SOCS4: variants seen among roughly 807,000 people sequenced by gnomAD.
The protein encoded by SOCS4 is suppressor of cytokine signaling 4.
Under a neutral mutation model 34.1 loss-of-function variants are expected in SOCS4, and 20 were observed. The ratio of observed to expected loss-of-function variants is 0.59; its 90% CI spans 0.41 to 0.85. The LOEUF is 0.85. Among genes scored for constraint, SOCS4 ranks in the 40% least tolerant of loss-of-function variants. The pLI is 0.00. For missense variants in SOCS4, 479 were observed against 532.4 expected (o/e 0.90, Z 0.99); for synonymous variants, 180 against 186.4 (o/e 0.97, Z 0.28).
rs1232201295 is a variant in SOCS4, at chr14:55,047,773, T to C, written c.*3409T>C. 1 of 167,102 alleles carries C rather than the reference T, an allele frequency of 6.0e-6. No individual in the cohort carries two copies. The highest frequency in any genetic ancestry group is 2.1e-4 in the South Asian group (1 of 4,836). The allele number at this position is 167,102 out of a possible 1,614,324, so 10.4% of individuals were successfully genotyped here. On this transcript the variant is annotated 3_prime_UTR_variant, in exon 3 of 3. Coordinates refer to ENST00000555846, the MANE Select transcript of SOCS4 (RefSeq NM_199421.2). Reference sequence around the variant, plus strand: ...GGTATACAAATTCCATTTCTTTTTATAAGAAAAACACATAAACCATTATCA... The same window carrying C: ...GGTATACAAATTCCATTTCTTTTTACAAGAAAAACACATAAACCATTATCA...
chr14:55,041,045 C>T (rs2042614105), intron 2 of SOCS4, among the ~76,000 whole-genome samples: 1 of 151,980 alleles, frequency 6.6e-6, no homozygotes, highest in Non-Finnish European at 1.5e-5. Context: ...CGCCACCACA[C>T]CCAGCTAATT....
chr14:55,031,182 T>G (rs2140241986), intron 1 of SOCS4, among the ~76,000 whole-genome samples: 2 of 152,306 alleles, frequency 1.3e-5, no homozygotes, highest in South Asian at 4.1e-4. Context: ...GTTTCTTAAA[T>G]TCTGTTAATC....
chr14:55,032,892 C>T lies in SOCS4; in HGVS notation c.-91+901C>T, dbSNP rs1453091733. Among the ~76,000 whole-genome samples, 11 of 152,232 alleles carry T rather than the reference C, an allele frequency of 7.2e-5. No individual in the cohort carries two copies. In the East Asian group the frequency reaches 1.7e-3, roughly 24 times the overall value. ...CCGCCTCCTGGGTTCATGCCATTCTCCTGCCTCAGCCTCCCGAGTAGCTGG... is the reference window on the plus strand; with the variant it reads ...CCGCCTCCTGGGTTCATGCCATTCTTCTGCCTCAGCCTCCCGAGTAGCTGG... On this transcript the variant is annotated intron_variant, in intron 2 of 2. Coordinates refer to ENST00000555846, the MANE Select transcript of SOCS4 (RefSeq NM_199421.2).
chr14:55,028,843 T>A (rs2042499363), intron 1 of SOCS4, among the ~76,000 whole-genome samples: 1 of 152,218 alleles, frequency 6.6e-6, no homozygotes, highest in Non-Finnish European at 1.5e-5. Flanking sequence ...TTGAATATGT[T>A]CCTTTACTGA....
chr14:55,043,028 G>T lies in SOCS4; in HGVS notation c.-14G>T, dbSNP rs1177275639. The T allele has an allele frequency of 1.3e-5, 21 of 1,590,286 alleles. No homozygotes were observed. The highest frequency in any genetic ancestry group is 1.5e-5 in the Non-Finnish European group (18 of 1,167,890). The stretch of plus-strand genomic sequence containing the variant: ...GCAGTATTTATAACATTAGAATCTG[G>T]ATAATTTGTTAACATGGCAGAAAAT... On this transcript the variant is annotated 5_prime_UTR_variant, in exon 3 of 3. Transcript: ENST00000555846.
intron 2 of SOCS4, among the ~76,000 whole-genome samples, chr14:55,041,676 T>C (rs1371701735): frequency 6.6e-6 from 1 of 151,550 alleles, no homozygotes; most frequent in African/African-American, 2.4e-5. Flanking sequence ...GGTGTCACCA[T>C]GTTGGCCAGG....
In SOCS4 at chr14:55,047,125, TGA is replaced by T. The variant is rs1421823895; in HGVS notation, c.*2767_*2768del. On this transcript the variant is annotated 3_prime_UTR_variant, in exon 3 of 3. Transcript: ENST00000555846. Reference sequence around the variant, plus strand: ...GGTGGAAATGTGGAGAGCTTATTGGTGAGAGAGGATGGAGCTAAGAGAAATAA... The same window carrying T: ...GGTGGAAATGTGGAGAGCTTATTGGTGAGAGGATGGAGCTAAGAGAAATAA... The T allele has an allele frequency of 6.0e-6, 1 of 166,990 alleles. No individual in the cohort carries two copies. The highest frequency in any genetic ancestry group is 6.5e-5 in the Admixed American group (1 of 15,274). The allele number at this position is 166,990 out of a possible 1,614,324, so 10.3% of individuals were successfully genotyped here.
Position 55,044,405 on chromosome 14 carries a change from C to G in SOCS4, c.*41C>G. 1 of 1,296,450 alleles carries G rather than the reference C, an allele frequency of 7.7e-7. No homozygotes were observed. The highest frequency in any genetic ancestry group is 9.9e-7 in the Non-Finnish European group (1 of 1,009,248). The allele number at this position is 1,296,450 out of a possible 1,614,324, so 80.3% of individuals were successfully genotyped here. On this transcript the variant is annotated 3_prime_UTR_variant, in exon 3 of 3. Coordinates refer to ENST00000555846, the MANE Select transcript of SOCS4 (RefSeq NM_199421.2). The stretch of plus-strand genomic sequence containing the variant: ...ATGGGAATGATAATATATATTTTTT[C>G]TTTTAATATTTTATTTTTCTTTTTA...
chr14:55,030,205 C>A (rs764356172), intron 1 of SOCS4, among the ~76,000 whole-genome samples: 1 of 151,994 alleles, frequency 6.6e-6, no homozygotes, highest in South Asian at 2.1e-4. Context: ...CTAATTTGTA[C>A]GTAAAACTTG....
Position 55,043,555 on chromosome 14 carries a change from A to C in SOCS4, c.514A>C (p.Arg172=). The C allele has an allele frequency of 1.2e-6, 2 of 1,614,206 alleles. No individual in the cohort carries two copies. Among genetic ancestry groups the C allele is most frequent in the Non-Finnish European group, 1.7e-6 (2 of 1,180,032 alleles). Residue 172 remains arginine (R), a synonymous_variant, in exon 3 of 3, where the codon AGG becomes CGG. Transcript: ENST00000555846. ...VSTDLSQTEL[R]DGQLKRRNME... is the part of the protein sequence containing the mutation. ...CACAGACTTGTCTCAGACTGAATTG[A>C]GGGATGGTCAGCTAAAACGAAGAAA...
rs201252248 is a variant in SOCS4, at chr14:55,043,126, G to A, written c.85G>A (p.Gly29Ser). ...GAGCAGAAGTGCCGACAGAAAAGAC[G>A]GTTATGTGTGGAGTGGAAAGAAGTT... The part of the protein sequence containing the change: ...SRSRSADRKD[G>S]YVWSGKKLSW... The change falls in exon 3 of 3, where the codon GGT becomes AGT. Residue 29 changes from glycine to serine, a missense_variant. Gly to Ser is a moderately conservative substitution (Grantham distance 56). Coordinates refer to ENST00000555846, the MANE Select transcript of SOCS4 (RefSeq NM_199421.2). 3.1e-6 allele frequency: 5 copies of A among 1,614,176 alleles called. No individual in the cohort carries two copies. Among genetic ancestry groups the A allele is most frequent in the Middle Eastern group, 3.3e-4 (2 of 6,062 alleles).
Position 55,044,278 on chromosome 14 carries a change from T to C in SOCS4, c.1237T>C (p.Ser413Pro), listed in dbSNP as rs115447566. The C allele has an allele frequency of 6.1e-4, 986 of 1,613,914 alleles. No homozygotes were observed. Among genetic ancestry groups the C allele is most frequent in the Non-Finnish European group, 7.5e-4 (882 of 1,179,872 alleles). The change falls in exon 3 of 3, where the codon TCT (serine) becomes CCT (proline). Residue 413 changes from serine (S) to proline (P), a missense_variant. Physicochemically the swap from Ser to Pro is moderately conservative, Grantham distance 74. Transcript: ENST00000555846. ...TGGCATCGATGCCCTTCCAATTCCT[T>C]CTTCTATGAAATTATATCTGAAGGA... Reference protein sequence around the residue: ...YDGIDALPIPSSMKLYLKEYH... With the variant: ...YDGIDALPIPPSMKLYLKEYH...
intron 1 of SOCS4, among the ~76,000 whole-genome samples, chr14:55,028,289 G>A (rs1312863813): frequency 6.6e-6 from 1 of 152,096 alleles, no homozygotes; most frequent in East Asian, 1.9e-4. Context: ...AGACGCTGAG[G>A]TTTGTATATG....
intron 2 of SOCS4, among the ~76,000 whole-genome samples, chr14:55,033,276 T>G (rs747398806): frequency 2.6e-5 from 4 of 152,186 alleles, no homozygotes; most frequent in Non-Finnish European, 4.4e-5. Context: ...TAAAATTAAG[T>G]TATTTTTATT....
rs1249064689 is a variant in SOCS4 at position 55,049,174 on chromosome 14, A to G, written c.*4810A>G. 4 of 167,008 alleles carry G rather than the reference A, an allele frequency of 2.4e-5. No homozygotes were observed. In the East Asian group the frequency reaches 7.7e-4, roughly 32 times the overall value. The allele number at this position is 167,008 out of a possible 1,614,324, so 10.3% of individuals were successfully genotyped here. A position where few individuals can be genotyped will look rare whatever the true frequency, so the allele number is the denominator to read the frequency against. ...TTTTGCCATGGTTATAATCAAATCT[A>G]AGCTTTCAGACTTGAGAGCCATGGT... On this transcript the variant is annotated 3_prime_UTR_variant, in exon 3 of 3. Transcript: ENST00000555846.
At position 55,046,353 on chromosome 14, in the gene SOCS4, T is replaced by C. The variant is rs2042676306; in HGVS notation, c.*1989T>C. The C allele has an allele frequency of 6.0e-6, 1 of 166,914 alleles. No homozygotes were observed. The highest frequency in any genetic ancestry group is 1.5e-5 in the Non-Finnish European group (1 of 68,026). The allele number at this position is 166,914 out of a possible 1,614,324, so 10.3% of individuals were successfully genotyped here. ...ATTATAGTTTTTTATCAGAATTTGA[T>C]AAGATTTTCTGTTTCTGTGAAACAA... On this transcript the variant is annotated 3_prime_UTR_variant, in exon 3 of 3. Transcript: ENST00000555846.
Position 55,030,314 on chromosome 14 carries a change from A to C in SOCS4, c.-219-1549A>C, listed in dbSNP as rs111814626. On this transcript the variant is annotated intron_variant, in intron 1 of 2. Transcript: ENST00000555846. ...TCTTTGCCTGTTTCTACTTAAATCT[A>C]TTTACTAAGCTTCTAAAAAACTACA... 1.1e-4 allele frequency among the ~76,000 whole-genome samples: 16 copies of C among 152,270 alleles called. 1 individual carries two copies. The highest frequency in any genetic ancestry group is 3.4e-4 in the African/African-American group (14 of 41,580).
At chr14:55,039,423 G>GTTTTTTAAATAA (rs1248174342) in intron 2 of SOCS4, among the ~76,000 whole-genome samples, 3 of 152,184 alleles carry the variant, frequency 2.0e-5, no homozygotes, top group Admixed American at 1.3e-4. Flanking sequence ...GGGCGATAGA[G>GTTTTTTAAATAA]ACCCTGTCTT....
At chr14:55,036,636 ACC>A (rs1291123224) in intron 2 of SOCS4, among the ~76,000 whole-genome samples, 2 of 151,842 alleles carry the variant, frequency 1.3e-5, no homozygotes, top group East Asian at 3.9e-4. Context: ...GAGCCACCAC[ACC>A]CGGCCATTCC....
Sources: allele counts gnomAD v4.1 joint callset (sites outside exome capture counted in the v4.1 genomes callset), GRCh38; gene constraint gnomAD v4.1.1; transcripts MANE v1.5; gene names NCBI Gene and HGNC (gene_info 2026-07-23, HGNC 2026-07-21).